OSBPL8: variants seen among roughly 807,000 people sequenced by gnomAD.
OSBPL8 encodes oxysterol binding protein like 8, also known as oxysterol-binding protein-related protein 8.
OSBPL8 carries 59 observed loss-of-function variants against 125.5 expected under a neutral mutation model. The ratio of observed to expected loss-of-function variants is 0.47; its 90% CI spans 0.38 to 0.58. The LOEUF is 0.58. OSBPL8 is among the 20% of genes least tolerant of loss of function. The pLI, the probability that OSBPL8 is intolerant of heterozygous loss-of-function variation, is 0.00. For missense variants in OSBPL8, 758 were observed against 1,047.8 expected (o/e 0.72, Z 3.82); for synonymous variants, 330 against 338.9 (o/e 0.97, Z 0.29).
intron 4 of OSBPL8, 53 bp downstream of exon 4, chr12:76,450,798 C>G: frequency 6.6e-7 from 1 of 1,517,264 alleles, no homozygotes; most frequent in Non-Finnish European, 8.9e-7. Flanking sequence ...CCCTTCTCCC[C>G]TCCAAAAACA....
chr12:76,413,718 T>C (rs900141146), intron 4 of OSBPL8, among the ~76,000 whole-genome samples: 2 of 152,186 alleles, frequency 1.3e-5, no homozygotes, highest in Non-Finnish European at 2.9e-5. Flanking sequence ...GTTGAGAACT[T>C]TCTCATGTTA....
At chr12:76,458,976 A>G (rs1319221071) in intron 3 of OSBPL8, among the ~76,000 whole-genome samples, 3 of 152,206 alleles carry the variant, frequency 2.0e-5, no homozygotes, top group Admixed American at 6.5e-5. Context: ...TTATTCATCA[A>G]TGAAGTTAAA....
intron 21 of OSBPL8, among the ~76,000 whole-genome samples, chr12:76,364,054 G>T (rs1057364611): frequency 5.9e-5 from 9 of 152,204 alleles, no homozygotes; most frequent in African/African-American, 2.2e-4. Context: ...CTGTTGGTGG[G>T]AGGGTAAATT....
At chr12:76,504,686 T>G (rs567031278) in intron 1 of OSBPL8, among the ~76,000 whole-genome samples, 1 of 152,342 alleles carries the variant, frequency 6.6e-6, no homozygotes, top group South Asian at 2.1e-4. Context: ...ATAGTTTAAA[T>G]TATGATAGCC....
At position 76,481,168 on chromosome 12, in the gene OSBPL8, C is replaced by G. The variant is rs537131436; in HGVS notation, c.42+6342G>C. Reference sequence around the variant, plus strand: ...GGAAAACAACCCTGCTAACACTTTGCTTTTAGATTTCTGACTTCCAGAACT... The same window carrying G: ...GGAAAACAACCCTGCTAACACTTTGGTTTTAGATTTCTGACTTCCAGAACT... On this transcript the variant is annotated intron_variant, in intron 2 of 23. Transcript: ENST00000261183. Among the ~76,000 whole-genome samples the G allele has an allele frequency of 2.0e-3, 297 of 152,274 alleles. 1 individual carries two copies. The highest frequency in any genetic ancestry group is 6.8e-3 in the African/African-American group (282 of 41,564).
At chr12:76,469,090 T>C (rs2136902340) in intron 2 of OSBPL8, among the ~76,000 whole-genome samples, 1 of 152,286 alleles carries the variant, frequency 6.6e-6, no homozygotes, top group East Asian at 1.9e-4. Context: ...CTCTGTCCTC[T>C]CTTAGTTTCC....
chr12:76,367,710 T>G (rs1952473685), intron 21 of OSBPL8, among the ~76,000 whole-genome samples: 1 of 152,186 alleles, frequency 6.6e-6, no homozygotes. Context: ...TTCTTTTGTG[T>G]GTATTTTTTT....
intron 3 of OSBPL8, among the ~76,000 whole-genome samples, chr12:76,455,137 G>A (rs962247417): frequency 3.9e-5 from 6 of 151,924 alleles, no homozygotes; most frequent in Admixed American, 6.6e-5. Context: ...CAGCTACTTC[G>A]GAGGCTGAGG....
At chr12:76,544,010 A>G (rs574707028) in intron 1 of OSBPL8, among the ~76,000 whole-genome samples, 2 of 152,322 alleles carry the variant, frequency 1.3e-5, no homozygotes, top group East Asian at 3.9e-4. Context: ...GCACAGTGCC[A>G]AATCACAGTA....
Position 76,355,978 on chromosome 12 carries a change from C to A in OSBPL8, c.2581G>T (p.Ala861Ser). 6.2e-7 allele frequency: 1 copy of A among 1,613,132 alleles called. No homozygotes were observed. The highest frequency in any genetic ancestry group is 8.5e-7 in the Non-Finnish European group (1 of 1,179,502). The stretch of plus-strand genomic sequence containing the variant: ...TTTTGTTGCAGAAAATAATCCGTGG[C>A]CGGTGTGCTTGAAACTAAATGATTT... Reference protein sequence around the residue: ...LRNHLVSSTPATDYFLQQKDY... With the variant: ...LRNHLVSSTPSTDYFLQQKDY... Residue 861 changes from alanine (A) to serine (S), a missense_variant, in exon 24 of 24, where the codon GCC becomes TCC. Transcript: ENST00000261183.
chr12:76,512,666 G>A (rs937766595), intron 1 of OSBPL8, among the ~76,000 whole-genome samples: 4 of 152,216 alleles, frequency 2.6e-5, no homozygotes, highest in African/African-American at 9.6e-5. Flanking sequence ...TTGGCTGCTG[G>A]GCTCTTTTTT....
chr12:76,551,705 C>T (rs1428236807), intron 1 of OSBPL8, among the ~76,000 whole-genome samples: 1 of 152,162 alleles, frequency 6.6e-6, no homozygotes, highest in African/African-American at 2.4e-5. Context: ...ATGGCACATG[C>T]TGATGAATAT....
At chr12:76,505,119 A>G (rs1433541310) in intron 1 of OSBPL8, among the ~76,000 whole-genome samples, 1 of 152,108 alleles carries the variant, frequency 6.6e-6, no homozygotes, top group Non-Finnish European at 1.5e-5. Flanking sequence ...CTCTCATTTA[A>G]CCAGCTCTAT....
chr12:76,433,603 T>C (rs979846055), intron 4 of OSBPL8, among the ~76,000 whole-genome samples: 1 of 152,100 alleles, frequency 6.6e-6, no homozygotes, highest in Non-Finnish European at 1.5e-5. Flanking sequence ...ATTAATATTG[T>C]TAAAATGTCC....
Position 76,377,940 on chromosome 12 carries a change from C to G in OSBPL8, c.1729+512G>C, listed in dbSNP as rs76372490. 6.6e-3 allele frequency among the ~76,000 whole-genome samples: 1,002 copies of G among 152,140 alleles called. 6 individuals carry two copies. Among genetic ancestry groups the G allele is most frequent in the Middle Eastern group, 0.037 (11 of 294 alleles). ...ATGCATTGAACAGTTGGGTGCCTAG[C>G]ATGTTGTAATGTTATAGATGACAAT... On this transcript the variant is annotated intron_variant, in intron 16 of 23. Transcript: ENST00000261183.
intron 8 of OSBPL8, among the ~76,000 whole-genome samples, chr12:76,396,837 G>A (rs554021706): frequency 6.6e-6 from 1 of 151,860 alleles, no homozygotes; most frequent in East Asian, 1.9e-4. Context: ...TTTGAGACAG[G>A]GTCTTGTTCT....
At chr12:76,361,194 A>T (rs1310895941) in intron 21 of OSBPL8, among the ~76,000 whole-genome samples, 1 of 152,168 alleles carries the variant, frequency 6.6e-6, no homozygotes, top group East Asian at 1.9e-4. Context: ...CTGCTTAGAA[A>T]TTTCTTCTGC....
chr12:76,375,360 A>G lies in OSBPL8; in HGVS notation c.1740T>C (p.Tyr580=), dbSNP rs1952775815. 6.2e-7 allele frequency: 1 copy of G among 1,610,752 alleles called. No homozygotes were observed. The part of the protein sequence containing the change: ...MPYAHCKGIL[Y]GTMTLELGGT... ...CACCAAGCTCCAGTGTCATTGTACCATAAAGAATTCCTAAAGGAAAAAGAT... is the reference window on the plus strand; with the variant it reads ...CACCAAGCTCCAGTGTCATTGTACCGTAAAGAATTCCTAAAGGAAAAAGAT... Residue 580 remains tyrosine, a synonymous_variant, in exon 17 of 24, where the codon TAT becomes TAC. Coordinates refer to ENST00000261183, the MANE Select transcript of OSBPL8 (RefSeq NM_020841.5).
chr12:76,545,128 C>T (rs929280707), intron 1 of OSBPL8, among the ~76,000 whole-genome samples: 1 of 152,090 alleles, frequency 6.6e-6, no homozygotes, highest in Non-Finnish European at 1.5e-5. Context: ...GATACTAGGT[C>T]GCATTGTGAC....
Sources: allele counts gnomAD v4.1 joint callset (sites outside exome capture counted in the v4.1 genomes callset), GRCh38; gene constraint gnomAD v4.1.1; transcripts MANE v1.5; gene names NCBI Gene and HGNC (gene_info 2026-07-23, HGNC 2026-07-21).